The following TNKS variants were observed in gnomAD, a reference collection of about 807,000 sequenced individuals.
TNKS encodes the protein poly [ADP-ribose] polymerase tankyrase-1.
In TNKS, 72 loss-of-function variants were observed where a neutral mutation model predicts 135.8. The observed-to-expected ratio is 0.53, with a 90% CI of 0.44 to 0.64. The LOEUF (loss-of-function observed/expected upper bound fraction) is 0.64. Among genes scored for constraint, TNKS ranks in the 30% least tolerant of loss-of-function variants. The pLI, the probability that TNKS is intolerant of heterozygous loss-of-function variation, is 0.00. For synonymous variants in TNKS, 849 were observed against 649.3 expected (o/e 1.31, Z -4.68); for missense variants, 1,769 against 1,674.0 (o/e 1.06, Z -0.99).
At chr8:9,571,051 C>G (rs913176071) in intron 1 of TNKS, among the ~76,000 whole-genome samples, 2 of 152,148 alleles carry the variant, frequency 1.3e-5, no homozygotes, top group Non-Finnish European at 2.9e-5. Flanking sequence ...GGGCATTTTG[C>G]TGCATTTTCA....
chr8:9,597,283 A>G (rs7815506), intron 2 of TNKS, among the ~76,000 whole-genome samples: 13,076 of 152,284 alleles, frequency 0.086, 621 homozygotes, highest in South Asian at 0.17. Context: ...GTCTCAGTAA[A>G]TACTTGTTTC....
rs193281433 is a variant in TNKS at position 9,706,723 on chromosome 8, G to A, written c.1270-88G>A. On this transcript the variant is annotated intron_variant, in intron 7 of 26. Transcript: ENST00000310430. ...ACACTTATTTGAACAAGTTATAACT[G>A]AAATTTACAAAGAAATAAATGTCTT... The A allele has an allele frequency of 3.4e-5, 44 of 1,294,786 alleles. 1 individual carries two copies. The Admixed American group carries it at 1.0e-3, about 31-fold the overall frequency. The allele number at this position is 1,294,786 out of a possible 1,614,324, so 80.2% of individuals were successfully genotyped here.
At chr8:9,575,114 T>C in intron 1 of TNKS, 4 of 971,478 alleles carry the variant, frequency 4.1e-6, no homozygotes, top group Non-Finnish European at 4.9e-6. Flanking sequence ...TGACACGGAG[T>C]CTCGCTCTGT....
intron 5 of TNKS, among the ~76,000 whole-genome samples, chr8:9,683,268 A>T (rs1802858320): frequency 6.6e-6 from 1 of 152,026 alleles, no homozygotes; most frequent in Non-Finnish European, 1.5e-5. Flanking sequence ...TCCTGTTGTT[A>T]TCAAGAAAAC....
intron 3 of TNKS, among the ~76,000 whole-genome samples, chr8:9,646,496 TAC>T (rs949085178): frequency 2.6e-5 from 4 of 152,182 alleles, no homozygotes; most frequent in African/African-American, 9.6e-5. Context: ...CTCATTTTTA[TAC>T]AGAGAAGTTT....
At chr8:9,766,062 T>A (rs1367816826) in intron 24 of TNKS, among the ~76,000 whole-genome samples, 177 bp from the exon 25 acceptor site, 1 of 152,196 alleles carries the variant, frequency 6.6e-6, no homozygotes, top group African/African-American at 2.4e-5. Context: ...AGTGAATTAC[T>A]TTTGTTGTAA....
At chr8:9,728,397 T>G (rs1585384437) in intron 13 of TNKS, among the ~76,000 whole-genome samples, 1 of 152,316 alleles carries the variant, frequency 6.6e-6, no homozygotes, top group East Asian at 1.9e-4. Context: ...TGAAACAGAA[T>G]AAAGAATTTC....
intron 17 of TNKS, among the ~76,000 whole-genome samples, 189 bp downstream of exon 17, chr8:9,735,675 C>CTG (rs1022151878): frequency 1.2e-4 from 18 of 152,008 alleles, no homozygotes; most frequent in African/African-American, 4.3e-4. Flanking sequence ...TGGCGGGCAC[C>CTG]TGTAGTCCCA....
chr8:9,686,732 C>T (rs1803018022), intron 5 of TNKS, among the ~76,000 whole-genome samples: 1 of 151,978 alleles, frequency 6.6e-6, no homozygotes, highest in Non-Finnish European at 1.5e-5. Flanking sequence ...ATTTTATGTG[C>T]ATCTTTTGGG....
At chr8:9,750,990 T>A (rs1005333383) in intron 18 of TNKS, among the ~76,000 whole-genome samples, 1 of 152,158 alleles carries the variant, frequency 6.6e-6, no homozygotes, top group South Asian at 2.1e-4. Context: ...AAAGCCTGGC[T>A]CAAAAGCCTC....
chr8:9,670,602 A>G (rs1006202110), intron 3 of TNKS: 7 of 152,186 alleles, frequency 4.6e-5, no homozygotes, highest in Non-Finnish European at 8.8e-5. Context: ...GTGTGCTGGT[A>G]TAAACTTGTC....
intron 2 of TNKS, among the ~76,000 whole-genome samples, chr8:9,583,744 C>T (rs1798259189): frequency 6.6e-6 from 1 of 152,066 alleles, no homozygotes. Flanking sequence ...GTCTCAGCCT[C>T]CCAAAGTCCT....
chr8:9,633,265 A>G (rs923577669), intron 3 of TNKS, among the ~76,000 whole-genome samples: 2 of 152,212 alleles, frequency 1.3e-5, no homozygotes, highest in East Asian at 1.9e-4. Flanking sequence ...ATAAAAATAT[A>G]TAAGTAATAG....
In TNKS at chr8:9,722,020, T is replaced by C. The variant is rs1222123400; in HGVS notation, c.1921+1475T>C. ...GTGAGCCAAGATCGCGCCACTGCAC[T>C]CCATCCAGCCTGGGTGACAGAGCGA... On this transcript the variant is annotated intron_variant, in intron 12 of 26. Transcript: ENST00000310430. Among the ~76,000 whole-genome samples, 6 of 147,638 alleles carry C rather than the reference T, an allele frequency of 4.1e-5. No homozygotes were observed. The East Asian group carries it at 1.2e-3, about 30-fold the overall frequency.
chr8:9,649,665 T>C (rs1339145840), intron 3 of TNKS, among the ~76,000 whole-genome samples: 1 of 150,886 alleles, frequency 6.6e-6, no homozygotes, highest in Non-Finnish European at 1.5e-5. Flanking sequence ...CATTATGTCA[T>C]TCTTATGCCT....
intron 2 of TNKS, among the ~76,000 whole-genome samples, chr8:9,601,294 A>G (rs765615297): frequency 1.3e-5 from 2 of 152,216 alleles, no homozygotes; most frequent in Non-Finnish European, 2.9e-5. Context: ...TTTTTAAAAC[A>G]TGAACTTTAA....
chr8:9,661,366 G>T lies in TNKS; in HGVS notation c.995-18585G>T, dbSNP rs1244413732. On this transcript the variant is annotated intron_variant, in intron 3 of 26. Transcript: ENST00000310430. ...AGGCTACAGTAACCAAAACAGCATG[G>T]TACTGGTACCAAAACAGAGATAGAG... Among the ~76,000 whole-genome samples the T allele has an allele frequency of 4.6e-5, 7 of 152,230 alleles. 1 individual carries two copies. The highest frequency in any genetic ancestry group is 1.7e-4 in the African/African-American group (7 of 41,528).
intron 2 of TNKS, among the ~76,000 whole-genome samples, chr8:9,591,085 G>T (rs1049362714): frequency 2.6e-5 from 4 of 152,210 alleles, no homozygotes; most frequent in African/African-American, 4.8e-5. Context: ...ATGATGTGAG[G>T]TGAAGGGTCC....
At position 9,771,850 on chromosome 8, in the gene TNKS, G is replaced by A. The variant is rs111162200; in HGVS notation, c.3897+1588G>A. 6.0e-4 allele frequency among the ~76,000 whole-genome samples: 17 copies of A among 28,100 alleles called. 1 individual carries two copies. Among genetic ancestry groups the A allele is most frequent in the East Asian group, 2.7e-3 (2 of 730 alleles). The allele number at this position is 28,100 out of a possible 152,430, so 18.4% of individuals were successfully genotyped here. On this transcript the variant is annotated intron_variant, in intron 26 of 26. Transcript: ENST00000310430. ...ATGAAGCGGGGAGAGAGGGGAGGGA[G>A]GGAGAGAGAGCTAGAGAGCGGAACG...
Sources: allele counts gnomAD v4.1 joint callset (sites outside exome capture counted in the v4.1 genomes callset), GRCh38; gene constraint gnomAD v4.1.1; transcripts MANE v1.5; gene names NCBI Gene and HGNC (gene_info 2026-07-23, HGNC 2026-07-21).